Variants in TESPA1 observed in about 807,000 individuals in gnomAD.
TESPA1 encodes the protein thymocyte expressed, positive selection associated 1.
In TESPA1, 33 loss-of-function variants were observed where a neutral mutation model predicts 57.9. That is an observed-to-expected ratio of 0.57 (90% confidence interval 0.43 to 0.76). TESPA1 has a LOEUF of 0.76. TESPA1 is among the 30% of genes least tolerant of loss of function. The pLI is 0.00. For missense variants in TESPA1, 618 were observed against 632.9 expected (o/e 0.98, Z 0.25); for synonymous variants, 227 against 228.9 (o/e 0.99, Z 0.07).
chr12:54,974,487 T>A lies in TESPA1; in HGVS notation c.76A>T (p.Thr26Ser). The part of the protein sequence containing the change: ...AWLRQSRNWQ[T>S]QVLEEEAAAA... ...GCAGCCTCCTCTTCTAGGACCTGGG[T>A]CTGCCAGTTACGGCTCTGACGGAGC... The change falls in exon 2 of 11, where the codon ACC (threonine) becomes TCC (serine). Residue 26 changes from threonine (T) to serine (S), a missense_variant. Thr to Ser is a moderately conservative substitution (Grantham distance 58, BLOSUM62 1). Around this residue, in one of 3 missense-constraint regions of TESPA1, gnomAD observed 199 missense variants for 184.0 expected, o/e 1.08. Transcript: ENST00000449076. 6.2e-7 allele frequency: 1 copy of A among 1,605,166 alleles called. No individual in the cohort carries two copies. Among genetic ancestry groups the A allele is most frequent in the Non-Finnish European group, 8.5e-7 (1 of 1,175,942 alleles).
Position 54,963,118 on chromosome 12 carries a change from A to G in TESPA1, c.780T>C (p.His260=). The stretch of plus-strand genomic sequence containing the variant: ...TCCTGATGGATGGCACATCAGTTGG[A>G]TGGTTGCAATTCCAGAACATGTGGG... ...TPSHMFWNCN[H]PTDVPSIRIL... is the part of the protein sequence containing the mutation. Residue 260 remains histidine, a synonymous_variant, in exon 9 of 11, where the codon CAT becomes CAC. Coordinates refer to ENST00000449076, the MANE Select transcript of TESPA1 (RefSeq NM_001136030.3). 2 of 1,613,830 alleles carry G rather than the reference A, an allele frequency of 1.2e-6. No individual in the cohort carries two copies. Among genetic ancestry groups the G allele is most frequent in the South Asian group, 2.2e-5 (2 of 91,058 alleles).
chr12:54,950,151 C>A lies in TESPA1; in HGVS notation c.*241G>T, dbSNP rs145788553. On this transcript the variant is annotated 3_prime_UTR_variant, in exon 11 of 11. Coordinates refer to ENST00000449076, the MANE Select transcript of TESPA1 (RefSeq NM_001136030.3). The stretch of plus-strand genomic sequence containing the variant: ...GTGTACAGAGAAATGAAGAGATGTG[C>A]CTAAGGTCTTTGTGCATGCAGCTTG... 0.024 allele frequency: 9,914 copies of A among 418,262 alleles called. 170 individuals are homozygous for A. Among genetic ancestry groups the A allele is most frequent in the Non-Finnish European group, 0.034 (7,109 of 208,774 alleles). The allele number at this position is 418,262 out of a possible 1,614,324, so 25.9% of individuals were successfully genotyped here.
In TESPA1 at chr12:54,961,191, G is replaced by A; in HGVS notation, c.1544C>T (p.Thr515Ile). The A allele has an allele frequency of 1.2e-6, 2 of 1,613,986 alleles. No homozygotes were observed. The highest frequency in any genetic ancestry group is 1.7e-5 in the Admixed American group (1 of 60,020). ...ACTTCACGAGTCTTTGCCAGCAAAA[G>A]TCTGGTGGTGGTGGGGGTGCCTGGG... ...SRPRHPHHHQ[T>I]FAGKDS The change falls in exon 10 of 11, where the codon ACT becomes ATT. Residue 515 changes from threonine (T) to isoleucine (I), a missense_variant. This residue lies in a region of TESPA1 where 409 missense variants were observed against 420.1 expected (regional missense o/e 0.97). Transcript: ENST00000449076.
chr12:54,967,352 C>T, intron 4 of TESPA1, 116 bp from the exon 5 acceptor site: 1 of 1,165,876 alleles, frequency 8.6e-7, no homozygotes, highest in Non-Finnish European at 1.2e-6. Flanking sequence ...ACTTGCACAA[C>T]CAGATAATCA....
At position 54,980,537 on chromosome 12, in the gene TESPA1, G is replaced by A. The variant is rs552997282; in HGVS notation, c.-46+4048C>T. ...CATCACCGCCCTGTGGTGGGGCCCCGCCCGGTACATGGCTGATGTGGCCTT... is the reference window on the plus strand; with the variant it reads ...CATCACCGCCCTGTGGTGGGGCCCCACCCGGTACATGGCTGATGTGGCCTT... On this transcript the variant is annotated intron_variant, in intron 1 of 10. Transcript: ENST00000449076. Among the ~76,000 whole-genome samples, 23 of 152,318 alleles carry A rather than the reference G, an allele frequency of 1.5e-4. No individual in the cohort carries two copies. In the South Asian group the frequency reaches 2.9e-3, roughly 19 times the overall value.
intron 7 of TESPA1, among the ~76,000 whole-genome samples, chr12:54,965,749 T>C (rs142481739): frequency 1.3e-5 from 2 of 152,280 alleles, no homozygotes; most frequent in East Asian, 1.9e-4. Flanking sequence ...AATCAATACA[T>C]TGTTTACTGA....
chr12:54,968,944 A>G (rs563147254), intron 3 of TESPA1, among the ~76,000 whole-genome samples: 1 of 150,882 alleles, frequency 6.6e-6, no homozygotes, highest in South Asian at 2.1e-4. Flanking sequence ...AACAGTGGGA[A>G]TAGGCTTACT....
At chr12:54,958,701 TA>T (rs1274391189) in intron 10 of TESPA1, among the ~76,000 whole-genome samples, 3 of 152,236 alleles carry the variant, frequency 2.0e-5, no homozygotes, top group African/African-American at 4.8e-5. Context: ...TATTCTCTTA[TA>T]TTTTTTTCAG....
intron 10 of TESPA1, among the ~76,000 whole-genome samples, chr12:54,960,234 G>A (rs1950990321): frequency 1.3e-5 from 2 of 152,152 alleles, no homozygotes; most frequent in Non-Finnish European, 2.9e-5. Flanking sequence ...GCAGATAGGT[G>A]GTTAAAACTA....
Position 54,974,380 on chromosome 12 carries a change from G to C in TESPA1, c.163+20C>G. On this transcript the variant is annotated intron_variant, in intron 2 of 10. Coordinates refer to ENST00000449076, the MANE Select transcript of TESPA1 (RefSeq NM_001136030.3). ...TTGCCGCCAGACAACATAGACGCCT[G>C]TCTGATGTTCGTCTCTTACCTTCTT... is the stretch of plus-strand genomic sequence containing the variant. 6.3e-7 allele frequency: 1 copy of C among 1,575,202 alleles called. No individual in the cohort carries two copies. The highest frequency in any genetic ancestry group is 8.6e-7 in the Non-Finnish European group (1 of 1,159,530).
In TESPA1 at chr12:54,962,865, C is replaced by T; in HGVS notation, c.1033G>A (p.Val345Met). 1 of 1,613,684 alleles carries T rather than the reference C, an allele frequency of 6.2e-7. No individual in the cohort carries two copies. Among genetic ancestry groups the T allele is most frequent in the East Asian group, 2.2e-5 (1 of 44,834 alleles). The change falls in exon 9 of 11, where the codon GTG (valine) becomes ATG (methionine). Residue 345 changes from valine (V) to methionine (M), a missense_variant. By Grantham distance (21) the Val-to-Met change is conservative. Coordinates refer to ENST00000449076, the MANE Select transcript of TESPA1 (RefSeq NM_001136030.3). ...AACTTCTTACCCTCAGCAGGGGGCACAGGATCTTCCTGTGAGAATTGCCCC... is the reference window on the plus strand; with the variant it reads ...AACTTCTTACCCTCAGCAGGGGGCATAGGATCTTCCTGTGAGAATTGCCCC... ...DLGQFSQEDP[V>M]PPAEGKKLPT...
intron 10 of TESPA1, among the ~76,000 whole-genome samples, chr12:54,958,415 C>T (rs1041388935): frequency 3.9e-5 from 6 of 151,978 alleles, no homozygotes; most frequent in Admixed American, 6.6e-5. Flanking sequence ...TTCCTTCTGG[C>T]TTCTTTTATG....
chr12:54,955,211 G>C (rs1950656532), intron 10 of TESPA1, among the ~76,000 whole-genome samples: 1 of 152,100 alleles, frequency 6.6e-6, no homozygotes. Flanking sequence ...TATACCTGTT[G>C]TGCACTTGTA....
At chr12:54,968,618 G>A (rs1253589136) in intron 3 of TESPA1, among the ~76,000 whole-genome samples, 1 of 152,118 alleles carries the variant, frequency 6.6e-6, no homozygotes, top group Non-Finnish European at 1.5e-5. Flanking sequence ...GCTCATTGTG[G>A]CTGTTTTGTT....
rs748773318 is a variant in TESPA1 at position 54,974,504 on chromosome 12, T to C, written c.59A>G (p.Gln20Arg). ...SWEKRRAWLR[Q>R]SRNWQTQVLE... Reference sequence around the variant, plus strand: ...GACCTGGGTCTGCCAGTTACGGCTCTGACGGAGCCAGGCCCGCCGTTTCTC... The same window carrying C: ...GACCTGGGTCTGCCAGTTACGGCTCCGACGGAGCCAGGCCCGCCGTTTCTC... Residue 20 changes from glutamine (Q) to arginine (R), a missense_variant, in exon 2 of 11, where the codon CAG becomes CGG. Physicochemically the swap from Gln to Arg is conservative, Grantham distance 43. This residue lies in a region of TESPA1 where 199 missense variants were observed against 184.0 expected (regional missense o/e 1.08). Coordinates refer to ENST00000449076, the MANE Select transcript of TESPA1 (RefSeq NM_001136030.3). 5 of 1,601,470 alleles carry C rather than the reference T, an allele frequency of 3.1e-6. No individual in the cohort carries two copies. The East Asian group carries it at 1.1e-4, about 36-fold the overall frequency.
intron 3 of TESPA1, among the ~76,000 whole-genome samples, chr12:54,968,640 C>G (rs1382093172): frequency 6.6e-6 from 1 of 152,086 alleles, no homozygotes; most frequent in Admixed American, 6.6e-5. Flanking sequence ...TCAAATATTA[C>G]GTAAGGGAAT....
intron 1 of TESPA1, among the ~76,000 whole-genome samples, chr12:54,977,133 G>C (rs1281619128): frequency 6.6e-6 from 1 of 151,806 alleles, no homozygotes; most frequent in African/African-American, 2.4e-5. Flanking sequence ...CCAATTTATT[G>C]TTTACTCTTC....
Position 54,966,005 on chromosome 12 carries a change from G to A in TESPA1, c.446+48C>T, listed in dbSNP as rs1274884629. 5 of 1,531,624 alleles carry A rather than the reference G, an allele frequency of 3.3e-6. No individual in the cohort carries two copies. In the South Asian group the frequency reaches 4.8e-5, roughly 15 times the overall value. The allele number at this position is 1,531,624 out of a possible 1,614,324, so 94.9% of individuals were successfully genotyped here. ...ATGGCTCTTGGTTCCATTCTCCTAT[G>A]CTTCTCATCTTCTCCACCCTTCCAC... is the stretch of plus-strand genomic sequence containing the variant. On this transcript the variant is annotated intron_variant, in intron 7 of 10. Transcript: ENST00000449076.
chr12:54,976,780 G>A (rs1025238531), intron 1 of TESPA1, among the ~76,000 whole-genome samples: 6 of 152,166 alleles, frequency 3.9e-5, no homozygotes, highest in Middle Eastern at 3.2e-3. Flanking sequence ...CTGAAATGGA[G>A]GTGGGGGGTT....
Sources: allele counts gnomAD v4.1 joint callset (sites outside exome capture counted in the v4.1 genomes callset), GRCh38; gene constraint gnomAD v4.1.1; regional missense constraint gnomAD v4.1.1; transcripts MANE v1.5; gene names NCBI Gene and HGNC (gene_info 2026-07-23, HGNC 2026-07-21).